Variants in DCC observed in about 807,000 individuals in gnomAD.
DCC encodes the protein netrin receptor DCC.
Under a neutral mutation model 172.5 loss-of-function variants are expected in DCC, and 58 were observed. The ratio of observed to expected loss-of-function variants is 0.34; its 90% confidence interval spans 0.27 to 0.42. The LOEUF (loss-of-function observed/expected upper bound fraction) is 0.42. Among genes scored for constraint, DCC ranks in the 10% least tolerant of loss-of-function variants. The probability of loss-of-function intolerance (pLI) is 1.00; values close to 1 mark genes in which losing one functional copy is unlikely to be tolerated. For missense variants in DCC, 1,740 were observed against 1,791.0 expected (o/e 0.97, Z 0.51); for synonymous variants, 709 against 644.5 (o/e 1.10, Z -1.52).
At chr18:53,195,311 C>A (rs1165036550) in intron 9 of DCC, among the ~76,000 whole-genome samples, 1 of 152,050 alleles carries the variant, frequency 6.6e-6, no homozygotes, top group African/African-American at 2.4e-5. Flanking sequence ...AATACTTGTA[C>A]CTAAACTGAA....
intron 5 of DCC, among the ~76,000 whole-genome samples, chr18:52,957,740 G>T (rs1376797615): frequency 6.6e-6 from 1 of 152,076 alleles, no homozygotes; most frequent in South Asian, 2.1e-4. Flanking sequence ...AGGCCAGGAG[G>T]TATAGAGAGT....
At chr18:52,627,448 C>A (rs1244673601) in intron 1 of DCC, among the ~76,000 whole-genome samples, 1 of 152,144 alleles carries the variant, frequency 6.6e-6, no homozygotes, top group Non-Finnish European at 1.5e-5. Flanking sequence ...TCACAAAGGG[C>A]TAAACCATTC....
chr18:52,953,369 G>T (rs116541750), intron 5 of DCC, among the ~76,000 whole-genome samples: 200 of 152,130 alleles, frequency 1.3e-3, no homozygotes, highest in African/African-American at 4.4e-3. Context: ...GCACAGCCTC[G>T]ACTGATGTCT....
chr18:52,489,754 C>T (rs1015893352), intron 1 of DCC, among the ~76,000 whole-genome samples: 56 of 152,232 alleles, frequency 3.7e-4, no homozygotes, highest in African/African-American at 1.3e-3. Flanking sequence ...CTAGACAGGA[C>T]TCACAGAACA....
At chr18:53,290,942 G>A (rs2056996377) in intron 12 of DCC, among the ~76,000 whole-genome samples, 1 of 152,148 alleles carries the variant, frequency 6.6e-6, no homozygotes, top group Admixed American at 6.6e-5. Flanking sequence ...GCTGAGGCTA[G>A]CGGATCACGA....
At chr18:52,864,838 C>T (rs1373723636) in intron 2 of DCC, among the ~76,000 whole-genome samples, 3 of 151,706 alleles carry the variant, frequency 2.0e-5, no homozygotes, top group African/African-American at 7.3e-5. Context: ...TCATCCATGT[C>T]CCTGCAAAGG....
At chr18:52,499,468 C>G (rs533694816) in intron 1 of DCC, among the ~76,000 whole-genome samples, 2 of 152,298 alleles carry the variant, frequency 1.3e-5, no homozygotes, top group South Asian at 4.1e-4. Flanking sequence ...CTTATCTTCA[C>G]TATTTCATCT....
At chr18:52,416,872 A>G (rs1424983584) in intron 1 of DCC, among the ~76,000 whole-genome samples, 1 of 151,880 alleles carries the variant, frequency 6.6e-6, no homozygotes, top group African/African-American at 2.4e-5. Flanking sequence ...GTCCATTTAC[A>G]TTTAAAGTGA....
intron 1 of DCC, among the ~76,000 whole-genome samples, chr18:52,510,729 T>C (rs2031405649): frequency 6.6e-6 from 1 of 152,208 alleles, no homozygotes; most frequent in Non-Finnish European, 1.5e-5. Flanking sequence ...GTAGGGAATG[T>C]ACTCTATTAG....
intron 5 of DCC, among the ~76,000 whole-genome samples, chr18:53,056,606 G>C (rs1599077782): frequency 1.3e-5 from 2 of 152,164 alleles, no homozygotes; most frequent in Middle Eastern, 3.4e-3. Flanking sequence ...TAGACATTTG[G>C]TGTGATTAGT....
At chr18:52,913,422 T>C (rs1431958357) in intron 3 of DCC, among the ~76,000 whole-genome samples, 1 of 152,078 alleles carries the variant, frequency 6.6e-6, no homozygotes, top group Non-Finnish European at 1.5e-5. Context: ...CTTTAAAAAC[T>C]TGGGGACTGA....
chr18:53,136,209 CTATA>C (rs1010454794), intron 7 of DCC, among the ~76,000 whole-genome samples: 1 of 144,296 alleles, frequency 6.9e-6, no homozygotes, highest in African/African-American at 2.7e-5. Flanking sequence ...ATCTATCTAT[CTATA>C]TATATATACA....
rs971011694 is a variant in DCC, at chr18:53,534,979, A to T, written c.*4326A>T. 1.3e-5 allele frequency: 2 copies of T among 152,096 alleles called. No homozygotes were observed. The highest frequency in any genetic ancestry group is 1.3e-4 in the Admixed American group (2 of 15,272). The allele number at this position is 152,096 out of a possible 1,614,324, so 9.4% of individuals were successfully genotyped here. A position where few individuals can be genotyped will look rare whatever the true frequency, so the allele number is the denominator to read the frequency against. ...TTGTTGGTAGAAGAGCAAGAGCAAA[A>T]CTCTGCAAGATTTAATAAACACAGG... On this transcript the variant is annotated 3_prime_UTR_variant, in exon 29 of 29. Coordinates refer to ENST00000442544, the MANE Select transcript of DCC (RefSeq NM_005215.4).
Position 53,309,957 on chromosome 18 carries a change from C to CGT in DCC, c.2053+4245_2053+4246dup, listed in dbSNP as rs71175576. On this transcript the variant is annotated intron_variant, in intron 13 of 28. Coordinates refer to ENST00000442544, the MANE Select transcript of DCC (RefSeq NM_005215.4). ...ATATATATATATACATGTATATATACGTGTGTGTATATATATATATATATA... is the reference window on the plus strand; with the variant it reads ...ATATATATATATACATGTATATATACGTGTGTGTGTATATATATATATATATA... Among the ~76,000 whole-genome samples, 331 of 56,672 alleles carry CGT rather than the reference C, an allele frequency of 5.8e-3. 1 individual carries two copies. Among genetic ancestry groups the CGT allele is most frequent in the Non-Finnish European group, 9.0e-3 (263 of 29,202 alleles). The allele number at this position is 56,672 out of a possible 152,430, so 37.2% of individuals were successfully genotyped here. A position where few individuals can be genotyped will look rare whatever the true frequency, so the allele number is the denominator to read the frequency against.
chr18:52,445,397 T>C (rs747469165), intron 1 of DCC, among the ~76,000 whole-genome samples: 1 of 152,188 alleles, frequency 6.6e-6, no homozygotes, highest in African/African-American at 2.4e-5. Flanking sequence ...GCTGCACTTA[T>C]TTACCTGTCT....
intron 2 of DCC, among the ~76,000 whole-genome samples, chr18:52,868,035 A>G (rs2043187): frequency 0.39 from 50,854 of 130,204 alleles, 10,379 homozygotes; most frequent in Non-Finnish European, 0.5. Context: ...GTATGTGTGT[A>G]TATATATATA....
chr18:53,156,265 A>G (rs1402749862), intron 7 of DCC, among the ~76,000 whole-genome samples: 1 of 152,072 alleles, frequency 6.6e-6, no homozygotes, highest in East Asian at 1.9e-4. Context: ...TGGGTGGATC[A>G]CTTGAGGTCA....
chr18:53,061,837 AT>A (rs1262967962), intron 5 of DCC, among the ~76,000 whole-genome samples: 1 of 152,122 alleles, frequency 6.6e-6, no homozygotes, highest in Non-Finnish European at 1.5e-5. Flanking sequence ...ATAATAATAA[AT>A]ATAAAGGGCT....
intron 7 of DCC, among the ~76,000 whole-genome samples, chr18:53,157,145 A>G (rs2054751419): frequency 1.3e-5 from 2 of 152,198 alleles, no homozygotes; most frequent in Non-Finnish European, 1.5e-5. Flanking sequence ...GTGGAATTGT[A>G]TACATGTCAT....
Sources: gnomAD v4.1 joint callset for allele counts (sites outside exome capture counted in the v4.1 genomes callset) on GRCh38, gnomAD v4.1.1 for gene constraint, MANE v1.5 for transcripts, NCBI Gene and HGNC (gene_info 2026-07-23, HGNC 2026-07-21) for gene names.